Variants in ZNF451 observed in about 807,000 individuals in gnomAD.
ZNF451 encodes E3 SUMO-protein ligase ZNF451.
Under a neutral mutation model 107.1 loss-of-function variants are expected in ZNF451, and 80 were observed. The observed-to-expected ratio is 0.75, with a 90% CI of 0.62 to 0.90. The LOEUF is 0.90. Ranked by LOEUF, ZNF451 falls within the 40% of genes least tolerant of loss-of-function variation. The pLI, the probability that ZNF451 is intolerant of heterozygous loss-of-function variation, is 0.00. For missense variants in ZNF451, 1,107 were observed against 1,236.2 expected (o/e 0.90, Z 1.57); for synonymous variants, 362 against 406.5 (o/e 0.89, Z 1.32).
chr6:57,111,820 CT>C (rs548052827), intron 3 of ZNF451, among the ~76,000 whole-genome samples: 1 of 152,106 alleles, frequency 6.6e-6, no homozygotes, highest in African/African-American at 2.4e-5. Context: ...ATAGGAAAAT[CT>C]TTTTTAACAG....
chr6:57,099,009 A>G, intron 2 of ZNF451, 52 bp from the exon 3 acceptor site: 1 of 1,449,048 alleles, frequency 6.9e-7, no homozygotes, highest in South Asian at 1.2e-5. Flanking sequence ...TTAAATGCTA[A>G]TTTGGTTTGA....
rs571633816 is a variant in ZNF451, at chr6:57,090,215, A to C, written c.-39A>C. On this transcript the variant is annotated 5_prime_UTR_variant, in exon 1 of 15. Coordinates refer to ENST00000370706, the MANE Select transcript of ZNF451 (RefSeq NM_001031623.3). ...TCGTGGCGACGGCGGCGGCAGGGAC[A>C]GCAGGAGCAGTGGTGCTGTCAGCGC... 1.5e-4 allele frequency: 240 copies of C among 1,602,938 alleles called. 3 individuals carry two copies. In the East Asian group the frequency reaches 5.3e-3, roughly 35 times the overall value.
At chr6:57,146,100 G>C (rs922228802) in intron 9 of ZNF451, among the ~76,000 whole-genome samples, 3 of 152,028 alleles carry the variant, frequency 2.0e-5, no homozygotes, top group African/African-American at 7.2e-5. Flanking sequence ...AAAAATGTCT[G>C]TTCATGTCCT....
chr6:57,105,651 C>T (rs1296748089), intron 3 of ZNF451: 1 of 985,174 alleles, frequency 1.0e-6, no homozygotes, highest in African/African-American at 1.7e-5. Context: ...TAGTGAGTGG[C>T]TAATTTTGGG....
intron 13 of ZNF451, among the ~76,000 whole-genome samples, chr6:57,156,699 A>G (rs1355671871): frequency 1.3e-5 from 2 of 152,218 alleles, no homozygotes; most frequent in African/African-American, 2.4e-5. Flanking sequence ...ATGCCAATCA[A>G]CAAACAAAAT....
At chr6:57,142,817 T>C (rs760745020) in intron 9 of ZNF451, among the ~76,000 whole-genome samples, 4 of 152,184 alleles carry the variant, frequency 2.6e-5, no homozygotes, top group Non-Finnish European at 5.9e-5. Flanking sequence ...ACAGGTAAGG[T>C]ATGAAAGTTC....
rs537749734 is a variant in ZNF451 at position 57,097,191 on chromosome 6, A to G, written c.106-1870A>G. Among the ~76,000 whole-genome samples the G allele has an allele frequency of 2.9e-4, 44 of 152,240 alleles. No homozygotes were observed. The South Asian group carries it at 8.9e-3, about 31-fold the overall frequency. The stretch of plus-strand genomic sequence containing the variant: ...ACTTCCGTGTTTATAGTTTGAGCAA[A>G]AATCTCAATTCCTTTGCTACAGATC... On this transcript the variant is annotated intron_variant, in intron 2 of 14. Transcript: ENST00000370706.
chr6:57,147,028 C>G (rs948541387), intron 9 of ZNF451, 62 bp from the exon 10 acceptor site: 27 of 1,417,552 alleles, frequency 1.9e-5, no homozygotes, highest in Non-Finnish European at 2.6e-5. Flanking sequence ...CAATAAAATG[C>G]AGCAATGGTA....
chr6:57,163,890 G>T (rs1263909049), intron 14 of ZNF451, among the ~76,000 whole-genome samples: 2 of 152,124 alleles, frequency 1.3e-5, no homozygotes, highest in Non-Finnish European at 2.9e-5. Context: ...AACCACAGAA[G>T]CAAAATAATG....
chr6:57,144,234 C>CTT (rs57250829), intron 9 of ZNF451, among the ~76,000 whole-genome samples: 25 of 114,766 alleles, frequency 2.2e-4, no homozygotes, highest in Admixed American at 5.5e-4. Context: ...GAATTATATC[C>CTT]TTTTTTTTTT....
Position 57,096,924 on chromosome 6 carries a change from C to T in ZNF451, c.106-2137C>T, listed in dbSNP as rs544858190. On this transcript the variant is annotated intron_variant, in intron 2 of 14. Transcript: ENST00000370706. ...CTGGGTAGCTGGGACTACAGGTGCC[C>T]GCCACTACACCCTATTCCTATTTTT... Among the ~76,000 whole-genome samples, 5 of 151,344 alleles carry T rather than the reference C, an allele frequency of 3.3e-5. No homozygotes were observed. In the East Asian group the frequency reaches 5.9e-4, roughly 18 times the overall value.
At chr6:57,111,443 C>T (rs1348043141) in intron 3 of ZNF451, among the ~76,000 whole-genome samples, 4 of 149,460 alleles carry the variant, frequency 2.7e-5, no homozygotes, top group Non-Finnish European at 4.5e-5. Context: ...TGCAGTGGTG[C>T]GATCTTGGCT....
chr6:57,142,866 C>A (rs544210481), intron 9 of ZNF451, among the ~76,000 whole-genome samples: 1 of 152,144 alleles, frequency 6.6e-6, no homozygotes, highest in Non-Finnish European at 1.5e-5. Flanking sequence ...GATATTGCCA[C>A]TCTTTTTCAT....
At chr6:57,094,341 C>CA (rs1340073965) in intron 2 of ZNF451, among the ~76,000 whole-genome samples, 1 of 151,944 alleles carries the variant, frequency 6.6e-6, no homozygotes, top group Non-Finnish European at 1.5e-5. Context: ...GACAGGGTCT[C>CA]ACTCTTGCCC....
chr6:57,125,623 C>T (rs545113762), intron 4 of ZNF451, among the ~76,000 whole-genome samples: 1 of 152,216 alleles, frequency 6.6e-6, no homozygotes, highest in African/African-American at 2.4e-5. Context: ...AGAATAAGCT[C>T]CATGATTTTG....
At chr6:57,124,380 T>C (rs1254355485) in intron 3 of ZNF451, 2 of 709,472 alleles carry the variant, frequency 2.8e-6, no homozygotes, top group African/African-American at 3.5e-5. Flanking sequence ...GTTTCTGCTT[T>C]AGTAAGTCGA....
chr6:57,103,183 C>T lies in ZNF451; in HGVS notation c.186+4042C>T, dbSNP rs1177964180. 5 of 985,390 alleles carry T rather than the reference C, an allele frequency of 5.1e-6. No individual in the cohort carries two copies. The African/African-American group carries it at 8.7e-5, about 17-fold the overall frequency. 61.0% of individuals were successfully genotyped at this position (985,390 alleles called of 1,614,324 possible). A position where few individuals can be genotyped will look rare whatever the true frequency, so the allele number is the denominator to read the frequency against. On this transcript the variant is annotated intron_variant, in intron 3 of 14. Transcript: ENST00000370706. Reference sequence around the variant, plus strand: ...CAAACATGCCTGACAATCTTGTCCCCTTATTGTAATAAAGAGGGATACCAT... The same window carrying T: ...CAAACATGCCTGACAATCTTGTCCCTTTATTGTAATAAAGAGGGATACCAT...
chr6:57,099,514 C>A (rs776328003), intron 3 of ZNF451: 1 of 716,910 alleles, frequency 1.4e-6, no homozygotes, highest in African/African-American at 1.7e-5. Flanking sequence ...CACATGACCA[C>A]AGAAAATTTG....
At chr6:57,101,875 C>A (rs1451479285) in intron 3 of ZNF451, 3 of 1,550,464 alleles carry the variant, frequency 1.9e-6, no homozygotes, top group Non-Finnish European at 2.6e-6. Flanking sequence ...CCTTTTTGGA[C>A]AAGATGTGAA....
Sources: allele counts gnomAD v4.1 joint callset (sites outside exome capture counted in the v4.1 genomes callset), GRCh38; gene constraint gnomAD v4.1.1; transcripts MANE v1.5; gene names NCBI Gene and HGNC (gene_info 2026-07-23, HGNC 2026-07-21).